Variants in MRTFA observed in about 807,000 individuals in gnomAD.
MRTFA encodes the protein myocardin-related transcription factor A.
A neutral mutation model predicts 83.5 loss-of-function variants in MRTFA; 20 were observed. The ratio of observed to expected loss-of-function variants is 0.24; its 90% CI spans 0.17 to 0.35. MRTFA has a LOEUF of 0.35. MRTFA is among the 10% of genes least tolerant of loss of function. The pLI, the probability that MRTFA is intolerant of heterozygous loss-of-function variation, is 1.00. For missense variants in MRTFA, 1,200 were observed against 1,224.7 expected (o/e 0.98, Z 0.30); for synonymous variants, 659 against 541.2 (o/e 1.22, Z -3.02).
chr22:40,445,028 C>A (rs2053349727), intron 4 of MRTFA, among the ~76,000 whole-genome samples: 1 of 152,170 alleles, frequency 6.6e-6, no homozygotes, highest in Non-Finnish European at 1.5e-5. Flanking sequence ...GATCACACCA[C>A]TACACTCCAG....
At chr22:40,591,089 C>G (rs1222195928) in intron 2 of MRTFA, among the ~76,000 whole-genome samples, 2 of 152,050 alleles carry the variant, frequency 1.3e-5, no homozygotes, top group Non-Finnish European at 2.9e-5. Flanking sequence ...GAGCTGAGAT[C>G]GCGCCACTGC....
intron 1 of MRTFA, among the ~76,000 whole-genome samples, chr22:40,626,899 ACT>A (rs1556030966): frequency 1.3e-5 from 2 of 151,388 alleles, no homozygotes; most frequent in East Asian, 1.9e-4. Flanking sequence ...ACACACACAC[ACT>A]AACTAAAGCC....
rs745413434 is a variant in MRTFA at position 40,411,828 on chromosome 22, G to C, written c.2658C>G (p.Pro886=). Residue 886 remains proline, a synonymous_variant, in exon 15 of 15, where the codon CCC becomes CCG. Coordinates refer to ENST00000355630, the MANE Select transcript of MRTFA (RefSeq NM_020831.6). ...CAGAAGGTGATGGCTGTGCTGCCAG[G>C]GGGGACCCACAGACTGTCTTCGGGG... 2.0e-6 allele frequency: 3 copies of C among 1,513,490 alleles called. No homozygotes were observed. The highest frequency in any genetic ancestry group is 2.3e-5 in the East Asian group (1 of 43,314). 93.8% of individuals were successfully genotyped at this position (1,513,490 alleles called of 1,614,324 possible).
Position 40,420,470 on chromosome 22 carries a change from G to C in MRTFA, c.1288C>G (p.Arg430Gly). ...CCAGTCAGTGAGGTGCTGTTCTGAC[G>C]TGCCAGCCCACAGGGCCCAGGGGCG... The change falls in exon 11 of 15, where the codon CGT (arginine) becomes GGT (glycine). Residue 430 changes from arginine to glycine, a missense_variant. Arg to Gly is a moderately radical substitution (Grantham distance 125). Coordinates refer to ENST00000355630, the MANE Select transcript of MRTFA (RefSeq NM_020831.6). 1.2e-6 allele frequency: 2 copies of C among 1,613,780 alleles called. No homozygotes were observed. Among genetic ancestry groups the C allele is most frequent in the Non-Finnish European group, 8.5e-7 (1 of 1,180,038 alleles).
At chr22:40,433,116 G>C (rs940251107) in intron 5 of MRTFA, 1 of 153,658 alleles carries the variant, frequency 6.5e-6, no homozygotes, top group Non-Finnish European at 1.5e-5. Flanking sequence ...GGCTGTTCCT[G>C]AGTTGTATCC....
At chr22:40,422,160 G>C (rs1322304874) in intron 9 of MRTFA, among the ~76,000 whole-genome samples, 2 of 151,898 alleles carry the variant, frequency 1.3e-5, no homozygotes, top group African/African-American at 4.8e-5. Flanking sequence ...CAGAGGCAGA[G>C]AGGAGGCAGA....
At chr22:40,518,795 CA>C (rs879690699) in intron 3 of MRTFA, among the ~76,000 whole-genome samples, 33,325 of 68,116 alleles carry the variant, frequency 0.49, 4,882 homozygotes, top group East Asian at 0.69. Context: ...ACTCTGTCTC[CA>C]AAAAAAAAAA....
At chr22:40,509,473 G>A (rs2054632498) in intron 3 of MRTFA, among the ~76,000 whole-genome samples, 1 of 152,182 alleles carries the variant, frequency 6.6e-6, no homozygotes, top group South Asian at 2.1e-4. Context: ...GCCGAAAGAG[G>A]TTTGCCTCAG....
At chr22:40,460,216 C>T (rs975340762) in intron 4 of MRTFA, among the ~76,000 whole-genome samples, 6 of 152,032 alleles carry the variant, frequency 3.9e-5, no homozygotes, top group East Asian at 3.9e-4. Flanking sequence ...TGAGTCACCG[C>T]GCCTGGCCCA....
At chr22:40,465,317 G>A (rs1388559720) in intron 3 of MRTFA, among the ~76,000 whole-genome samples, 1 of 152,118 alleles carries the variant, frequency 6.6e-6, no homozygotes, top group Non-Finnish European at 1.5e-5. Context: ...TTCAACAATG[G>A]TTTCTTGTAC....
chr22:40,477,636 G>A (rs910491931), intron 3 of MRTFA, among the ~76,000 whole-genome samples: 1 of 151,946 alleles, frequency 6.6e-6, no homozygotes, highest in Admixed American at 6.6e-5. Context: ...ATTTTCCCTA[G>A]GGCAAAGTAA....
intron 4 of MRTFA, among the ~76,000 whole-genome samples, chr22:40,457,996 T>C (rs1328432174): frequency 6.6e-6 from 1 of 152,242 alleles, no homozygotes; most frequent in Non-Finnish European, 1.5e-5. Context: ...TATGACCTTG[T>C]ACACCTTTAA....
intron 3 of MRTFA, among the ~76,000 whole-genome samples, chr22:40,525,476 G>A (rs561917939): frequency 1.3e-5 from 2 of 151,968 alleles, no homozygotes; most frequent in South Asian, 2.1e-4. Context: ...ACTCCAGCAG[G>A]GGGCGACAGA....
chr22:40,502,324 G>A (rs2054503847), intron 3 of MRTFA, among the ~76,000 whole-genome samples: 1 of 120,462 alleles, frequency 8.3e-6, no homozygotes, highest in Non-Finnish European at 1.7e-5. Context: ...GCCAGGCAGA[G>A]GGTCTCCTCA....
intron 2 of MRTFA, among the ~76,000 whole-genome samples, chr22:40,566,760 G>A (rs531623633): frequency 9.8e-5 from 15 of 152,304 alleles, no homozygotes; most frequent in East Asian, 9.7e-4. Flanking sequence ...TTGAACCCGC[G>A]AGGCGGAGGT....
chr22:40,488,503 TGA>T (rs2054210790), intron 3 of MRTFA, among the ~76,000 whole-genome samples: 1 of 151,460 alleles, frequency 6.6e-6, no homozygotes, highest in South Asian at 2.1e-4. Context: ...GGCGACACGG[TGA>T]GACTCCATCT....
intron 1 of MRTFA, among the ~76,000 whole-genome samples, chr22:40,622,616 A>C (rs2056537311): frequency 6.6e-6 from 1 of 152,160 alleles, no homozygotes; most frequent in South Asian, 2.1e-4. Context: ...GCTGACCTTG[A>C]AGATTGAAGT....
At chr22:40,507,556 G>T (rs1331298541) in intron 3 of MRTFA, among the ~76,000 whole-genome samples, 2 of 151,932 alleles carry the variant, frequency 1.3e-5, no homozygotes, top group Non-Finnish European at 2.9e-5. Context: ...TGTCAAGGCT[G>T]CAGTGAGCTA....
At chr22:40,428,945 C>G (rs1352608907) in intron 7 of MRTFA, among the ~76,000 whole-genome samples, 1 of 152,176 alleles carries the variant, frequency 6.6e-6, no homozygotes, top group East Asian at 1.9e-4. Context: ...ATCCTTCAGC[C>G]CCAGGCTTGG....
Sources: gnomAD v4.1 joint callset for allele counts (sites outside exome capture counted in the v4.1 genomes callset) on GRCh38, gnomAD v4.1.1 for gene constraint, MANE v1.5 for transcripts, NCBI Gene and HGNC (gene_info 2026-07-23, HGNC 2026-07-21) for gene names.